Variants in MBP observed in about 807,000 individuals in gnomAD.
MBP encodes Golli-MBP.
In MBP, 16 loss-of-function variants were observed where a neutral mutation model predicts 35.8. The observed-to-expected ratio is 0.45, with a 90% CI of 0.30 to 0.68. The LOEUF (loss-of-function observed/expected upper bound fraction) is 0.68. Among genes scored for constraint, MBP ranks in the 30% least tolerant of loss-of-function variants. The pLI, the probability that MBP is intolerant of heterozygous loss-of-function variation, is 0.08. For missense variants in MBP, 380 were observed against 404.7 expected (o/e 0.94, Z 0.52); for synonymous variants, 143 against 159.6 (o/e 0.90, Z 0.78).
chr18:77,060,845 C>T (rs74531831), intron 3 of MBP, among the ~76,000 whole-genome samples: 7,475 of 152,258 alleles, frequency 0.049, 239 homozygotes, highest in Middle Eastern at 0.11. Flanking sequence ...GAGATGAAGT[C>T]GCACCCCCAG....
chr18:77,118,039 T>C (rs1199118619), intron 1 of MBP, among the ~76,000 whole-genome samples: 1 of 11,820 alleles, frequency 8.5e-5, no homozygotes, highest in African/African-American at 3.3e-4. Context: ...TGGGGCGGGA[T>C]GGGGACAGTG....
chr18:77,084,431 CCACACACA>C lies in MBP; in HGVS notation c.52-18054_52-18047del, dbSNP rs60010988. 2.1e-3 allele frequency among the ~76,000 whole-genome samples: 218 copies of C among 105,964 alleles called. 4 individuals are homozygous for C. The highest frequency in any genetic ancestry group is 2.8e-3 in the Non-Finnish European group (140 of 50,306). 69.5% of individuals were successfully genotyped at this position (105,964 alleles called of 152,430 possible). On this transcript the variant is annotated intron_variant, in intron 2 of 8. Coordinates refer to ENST00000355994, the MANE Select transcript of MBP (RefSeq NM_001025101.2). ...ACACCGCCCCCCCCGCCACACCACACCACACACACACACACACACACACACACACACAC... is the reference window on the plus strand; with the variant it reads ...ACACCGCCCCCCCCGCCACACCACACCACACACACACACACACACACACAC...
At chr18:77,009,473 G>A (rs1178412425) in intron 4 of MBP, among the ~76,000 whole-genome samples, 1 of 152,206 alleles carries the variant, frequency 6.6e-6, no homozygotes, top group Non-Finnish European at 1.5e-5. Flanking sequence ...TATGCACGTG[G>A]CCATAGACCA....
intron 3 of MBP, among the ~76,000 whole-genome samples, chr18:77,049,250 C>T (rs532220119): frequency 4.6e-4 from 70 of 152,286 alleles, no homozygotes; most frequent in African/African-American, 1.6e-3. Context: ...TTTTGTTCAC[C>T]GATGTACTCC....
intron 3 of MBP, among the ~76,000 whole-genome samples, chr18:77,038,964 G>C (rs1972879409): frequency 6.6e-6 from 1 of 152,140 alleles, no homozygotes; most frequent in Non-Finnish European, 1.5e-5. Flanking sequence ...GCCAAATCTG[G>C]CCCATATGTT....
intron 2 of MBP, among the ~76,000 whole-genome samples, chr18:77,089,488 G>A (rs116955381): frequency 0.011 from 1,638 of 152,336 alleles, 8 homozygotes; most frequent in East Asian, 0.031. Context: ...GGCACAAAAC[G>A]TGGCAGGAGC....
At chr18:77,123,915 TGTCTCTCTGGGTTG>T (rs1404554575) in intron 1 of MBP, among the ~76,000 whole-genome samples, 1 of 152,240 alleles carries the variant, frequency 6.6e-6, no homozygotes, top group Non-Finnish European at 1.5e-5. Flanking sequence ...AGCATTTCTC[TGTCTCTCTGGGTTG>T]GTGGTCAGCC....
At chr18:77,011,550 C>T (rs1971352131) in intron 4 of MBP, among the ~76,000 whole-genome samples, 1 of 152,178 alleles carries the variant, frequency 6.6e-6, no homozygotes, top group Non-Finnish European at 1.5e-5. Context: ...ATAAGACATC[C>T]CACTGATGGT....
chr18:77,093,029 T>C (rs944444016), intron 2 of MBP: 2 of 152,246 alleles, frequency 1.3e-5, no homozygotes, highest in Non-Finnish European at 2.9e-5. Context: ...GCTTGCAAAC[T>C]GGGCCATAGT....
intron 3 of MBP, 41 bp downstream of exon 3, chr18:77,066,257 T>TCACCATGTGG (rs762125559): frequency 2.2e-4 from 326 of 1,475,462 alleles, no homozygotes; most frequent in Non-Finnish European, 2.8e-4. Flanking sequence ...GTGCACGCTG[T>TCACCATGTGG]CACCATGTGG....
intron 3 of MBP, among the ~76,000 whole-genome samples, chr18:77,063,381 T>C (rs574015110): frequency 6.6e-6 from 1 of 152,280 alleles, no homozygotes; most frequent in South Asian, 2.1e-4. Context: ...AGAGGCCTCC[T>C]GGGCCAGCCT....
chr18:77,128,627 C>T (rs1302832353), intron 1 of MBP, among the ~76,000 whole-genome samples: 1 of 152,120 alleles, frequency 6.6e-6, no homozygotes, highest in African/African-American at 2.4e-5. Flanking sequence ...TGTATCAATG[C>T]TCATTTTCTA....
intron 2 of MBP, among the ~76,000 whole-genome samples, chr18:77,067,489 A>G (rs1974246148): frequency 6.6e-6 from 1 of 152,194 alleles, no homozygotes; most frequent in Non-Finnish European, 1.5e-5. Flanking sequence ...ACCACCATCC[A>G]GCTTGTTCAC....
At chr18:77,081,815 T>C (rs1425802607) in intron 2 of MBP, among the ~76,000 whole-genome samples, 22 of 52,286 alleles carry the variant, frequency 4.2e-4, no homozygotes, top group African/African-American at 8.5e-4. Context: ...TGCACACACA[T>C]ATATACACAC....
At chr18:77,087,844 A>G (rs2144992376) in intron 2 of MBP, among the ~76,000 whole-genome samples, 1 of 152,124 alleles carries the variant, frequency 6.6e-6, no homozygotes, top group East Asian at 1.9e-4. Flanking sequence ...GTGGGCTGGG[A>G]TCCCCGCTTC....
At chr18:77,063,785 C>T (rs768026794) in intron 3 of MBP, among the ~76,000 whole-genome samples, 1 of 151,982 alleles carries the variant, frequency 6.6e-6, no homozygotes, top group African/African-American at 2.4e-5. Context: ...AGGAGGGCTG[C>T]GTTTGGAAGG....
chr18:77,001,306 C>T (rs1212732854), intron 4 of MBP, among the ~76,000 whole-genome samples: 2 of 152,236 alleles, frequency 1.3e-5, no homozygotes, highest in African/African-American at 4.8e-5. Context: ...GTTTCTCTTC[C>T]AGAGGAGAGT....
At position 77,055,799 on chromosome 18, in the gene MBP, G is replaced by A. The variant is rs542447236; in HGVS notation, c.139+10499C>T. On this transcript the variant is annotated intron_variant, in intron 3 of 8. Coordinates refer to ENST00000355994, the MANE Select transcript of MBP (RefSeq NM_001025101.2). Reference sequence around the variant, plus strand: ...TGACAAGAAAAGTTCATTCACACTGGAGAGTTCAACCCCATTGGAAATGTC... The same window carrying A: ...TGACAAGAAAAGTTCATTCACACTGAAGAGTTCAACCCCATTGGAAATGTC... Among the ~76,000 whole-genome samples the A allele has an allele frequency of 6.6e-5, 10 of 152,268 alleles. No individual in the cohort carries two copies. The South Asian group carries it at 2.1e-3, about 32-fold the overall frequency.
chr18:77,097,004 C>T (rs976575774), intron 2 of MBP, among the ~76,000 whole-genome samples: 2 of 152,194 alleles, frequency 1.3e-5, no homozygotes, highest in African/African-American at 4.8e-5. Context: ...CTCAAGGGCA[C>T]TACAAACCCC....
Sources: allele counts gnomAD v4.1 joint callset (sites outside exome capture counted in the v4.1 genomes callset), GRCh38; gene constraint gnomAD v4.1.1; transcripts MANE v1.5; gene names NCBI Gene and HGNC (gene_info 2026-07-23, HGNC 2026-07-21).